TASP1: variants seen among roughly 807,000 people sequenced by gnomAD.
TASP1 encodes threonine aspartase 1.
TASP1 carries 16 observed loss-of-function variants against 56.6 expected under a neutral mutation model. The observed-to-expected ratio is 0.28, with a 90% CI of 0.19 to 0.43. The LOEUF is 0.43. Among genes scored for constraint, TASP1 ranks in the 20% least tolerant of loss-of-function variants. TASP1 has a pLI of 1.00. For missense variants in TASP1, 393 were observed against 511.6 expected, an observed-to-expected ratio of 0.77 and a Z score of 2.24; for synonymous variants, 179 against 184.2, an observed-to-expected ratio of 0.97 and a Z score of 0.23.
At chr20:13,335,580 GA>G in the TASP1 span, among the ~76,000 whole-genome samples, 5 of 149,886 alleles carry the variant, frequency 3.3e-5, no homozygotes, top group Non-Finnish European at 7.4e-5. Context: ...AAATCAAAAA[GA>G]AAAAAAGAGT....
the TASP1 span, among the ~76,000 whole-genome samples, chr20:13,303,364 G>T: frequency 6.6e-6 from 1 of 152,308 alleles, no homozygotes; most frequent in African/African-American, 2.4e-5. Context: ...AAAGGATTTT[G>T]TGGTTCTATA....
At chr20:13,621,451 T>C (rs1410370005) in intron 4 of TASP1, among the ~76,000 whole-genome samples, 2 of 151,910 alleles carry the variant, frequency 1.3e-5, no homozygotes, top group Admixed American at 6.6e-5. Flanking sequence ...ATATAAAAAA[T>C]AAAATAACTA....
intron 13 of TASP1, among the ~76,000 whole-genome samples, chr20:13,408,208 C>T (rs762356451): frequency 6.6e-6 from 1 of 151,974 alleles, no homozygotes; most frequent in Non-Finnish European, 1.5e-5. Context: ...TATTTTGGTT[C>T]CTGATAAATT....
chr20:13,401,058 C>A (rs1055347134), intron 13 of TASP1, among the ~76,000 whole-genome samples: 1 of 152,118 alleles, frequency 6.6e-6, no homozygotes, highest in African/African-American at 2.4e-5. Context: ...AAGTGAAGCG[C>A]CCAGGCTTCA....
intron 4 of TASP1, among the ~76,000 whole-genome samples, chr20:13,588,948 A>G (rs2047421326): frequency 6.6e-6 from 1 of 152,216 alleles, no homozygotes; most frequent in Admixed American, 6.5e-5. Context: ...CTAAGGATAG[A>G]TATATAAATT....
chr20:13,399,614 C>A (rs1366628319), intron 13 of TASP1, among the ~76,000 whole-genome samples: 2 of 152,210 alleles, frequency 1.3e-5, no homozygotes, highest in East Asian at 1.9e-4. Flanking sequence ...CACACAGAAG[C>A]CAACTACTTC....
chr20:13,416,240 C>A (rs1377762820), intron 13 of TASP1, among the ~76,000 whole-genome samples: 1 of 152,168 alleles, frequency 6.6e-6, no homozygotes, highest in African/African-American at 2.4e-5. Context: ...CTGTTCTAAA[C>A]CCTTAAATCA....
At chr20:13,144,929 C>T in the TASP1 span, among the ~76,000 whole-genome samples, 1 of 152,116 alleles carries the variant, frequency 6.6e-6, no homozygotes, top group African/African-American at 2.4e-5. Context: ...CACCCGCCAC[C>T]ACGCCCAGCT....
intron 6 of TASP1, among the ~76,000 whole-genome samples, chr20:13,570,377 A>ATTCC (rs1248706760): frequency 6.6e-6 from 1 of 152,100 alleles, no homozygotes; most frequent in Non-Finnish European, 1.5e-5. Flanking sequence ...CTAGTAATGG[A>ATTCC]TTCCTTGAAC....
the TASP1 span, among the ~76,000 whole-genome samples, chr20:13,363,973 A>G: frequency 3.9e-5 from 6 of 152,276 alleles, no homozygotes; most frequent in African/African-American, 1.2e-4. Context: ...AAGAATGCCA[A>G]TTTCTTCCTA....
chr20:13,450,660 T>C (rs2043583666), intron 11 of TASP1, among the ~76,000 whole-genome samples: 1 of 152,092 alleles, frequency 6.6e-6, no homozygotes, highest in Non-Finnish European at 1.5e-5. Context: ...ATTCTAATTC[T>C]AGTTTCTTGA....
At chr20:13,230,974 A>G in the TASP1 span, among the ~76,000 whole-genome samples, 1 of 152,156 alleles carries the variant, frequency 6.6e-6, no homozygotes, top group African/African-American at 2.4e-5. Context: ...CTCACTGCCC[A>G]TTGTGGTCCC....
At chr20:13,497,748 A>G (rs1209138462) in intron 10 of TASP1, among the ~76,000 whole-genome samples, 2 of 152,210 alleles carry the variant, frequency 1.3e-5, no homozygotes, top group African/African-American at 4.8e-5. Flanking sequence ...CTACAAAGCT[A>G]CAATAACCAA....
chr20:13,471,888 G>A (rs114380481), intron 11 of TASP1, among the ~76,000 whole-genome samples: 2,400 of 152,246 alleles, frequency 0.016, 66 homozygotes, highest in African/African-American at 0.051. Context: ...TCCAGGAAGC[G>A]CAAGGGGTCA....
chr20:13,410,057 G>A (rs112066833), intron 13 of TASP1, among the ~76,000 whole-genome samples: 3 of 152,234 alleles, frequency 2.0e-5, no homozygotes, highest in Non-Finnish European at 2.9e-5. Context: ...GCTCTCACAC[G>A]TAAGTGAGAA....
chr20:13,171,027 G>A, the TASP1 span, among the ~76,000 whole-genome samples: 1 of 152,300 alleles, frequency 6.6e-6, no homozygotes, highest in Non-Finnish European at 1.5e-5. Flanking sequence ...TGGGGTCATG[G>A]AAAATGCTCC....
At chr20:13,434,336 G>A (rs767670294) in intron 12 of TASP1, among the ~76,000 whole-genome samples, 18 of 152,046 alleles carry the variant, frequency 1.2e-4, no homozygotes, top group Non-Finnish European at 2.4e-4. Context: ...TTTTTAATGT[G>A]TCCCCTCTGG....
At chr20:13,160,097 G>A in the TASP1 span, 2 of 1,613,728 alleles carry the variant, frequency 1.2e-6, no homozygotes, top group African/African-American at 2.7e-5. Context: ...TCGGTTTTGT[G>A]TTTCAGCGGC....
intron 10 of TASP1, among the ~76,000 whole-genome samples, chr20:13,507,046 TTAAAA>T (rs1382778462): frequency 2.0e-5 from 3 of 151,992 alleles, no homozygotes; most frequent in Non-Finnish European, 4.4e-5. Flanking sequence ...CAAAAAACTA[TTAAAA>T]TAAACAAATT....
Sources: gnomAD v4.1 joint callset for allele counts (sites outside exome capture counted in the v4.1 genomes callset) on GRCh38, gnomAD v4.1.1 for gene constraint, MANE v1.5 for transcripts, NCBI Gene and HGNC (gene_info 2026-07-23, HGNC 2026-07-21) for gene names.